PLEKHA7: variants seen among roughly 807,000 people sequenced by gnomAD.
PLEKHA7 encodes pleckstrin homology domain-containing family A member 7.
In PLEKHA7, 104 loss-of-function variants were observed where a neutral mutation model predicts 170.0. The ratio of observed to expected loss-of-function variants is 0.61; its 90% CI spans 0.52 to 0.72. The LOEUF (loss-of-function observed/expected upper bound fraction) is 0.72, where lower values mean the gene tolerates loss of function less well. Among genes scored for constraint, PLEKHA7 ranks in the 30% least tolerant of loss-of-function variants. The pLI, the probability that PLEKHA7 is intolerant of heterozygous loss-of-function variation, is 0.00. For missense variants in PLEKHA7, 1,615 were observed against 1,671.7 expected (o/e 0.97, Z 0.59); for synonymous variants, 648 against 660.8 (o/e 0.98, Z 0.30).
At chr11:17,003,196 G>T (rs1864782823) in intron 3 of PLEKHA7, among the ~76,000 whole-genome samples, 1 of 152,030 alleles carries the variant, frequency 6.6e-6, no homozygotes, top group African/African-American at 2.4e-5. Flanking sequence ...TCTCCATGTT[G>T]GTCAGGCTGG....
intron 3 of PLEKHA7, among the ~76,000 whole-genome samples, chr11:17,007,659 C>T (rs1397761160): frequency 5.9e-5 from 9 of 151,620 alleles, no homozygotes; most frequent in East Asian, 5.8e-4. Context: ...CGGCAACCTC[C>T]GCTTCCCAAG....
intron 3 of PLEKHA7, among the ~76,000 whole-genome samples, chr11:16,988,279 G>C (rs4237716): frequency 0.34 from 52,376 of 152,064 alleles, 9,322 homozygotes; most frequent in East Asian, 0.42. Flanking sequence ...GGCTTGGAGA[G>C]AGATGCAATC....
intron 3 of PLEKHA7, among the ~76,000 whole-genome samples, chr11:16,961,240 C>G (rs1408075201): frequency 6.6e-6 from 1 of 152,190 alleles, no homozygotes; most frequent in Non-Finnish European, 1.5e-5. Context: ...CTGCCACTCA[C>G]TAGGATGACC....
rs1849896543 is a variant in PLEKHA7, at chr11:16,817,940, T to C, written c.1344-618A>G. ...AAGTCTAAACTCCTCAGCCTGGTAC[T>C]CACAGCTCGCTAGCAGCTGACCTCA... On this transcript the variant is annotated intron_variant, in intron 10 of 26. Transcript: ENST00000531066. The surrounding 1 kb of genome is among the most constrained non-coding windows in gnomAD (Gnocchi z 4.4). Among the ~76,000 whole-genome samples the C allele has an allele frequency of 6.6e-6, 1 of 152,202 alleles. No homozygotes were observed. The highest frequency in any genetic ancestry group is 1.9e-4 in the East Asian group (1 of 5,188).
At chr11:16,804,464 T>C (rs571967432) in intron 13 of PLEKHA7, among the ~76,000 whole-genome samples, 2 of 152,328 alleles carry the variant, frequency 1.3e-5, no homozygotes, top group African/African-American at 4.8e-5. Flanking sequence ...AAGCCCTTCA[T>C]GTGCCCAACT....
At position 16,817,498 on chromosome 11, in the gene PLEKHA7, C is replaced by A. The variant is rs572972443; in HGVS notation, c.1344-176G>T. On this transcript the variant is annotated intron_variant, in intron 10 of 26. Coordinates refer to ENST00000531066, the MANE Select transcript of PLEKHA7 (RefSeq NM_001329630.2). The surrounding 1 kb of genome is among the most constrained non-coding windows in gnomAD (Gnocchi z 4.4). ...AGTCACTTCCCCTTTTGGCAGACGA[C>A]TCCAAAACCATTTTTCTCTGTCAAC... 902 of 584,334 alleles carry A rather than the reference C, an allele frequency of 1.5e-3. 7 individuals are homozygous for A. Among genetic ancestry groups the A allele is most frequent in the Non-Finnish European group, 2.1e-3 (745 of 356,320 alleles). 36.2% of individuals were successfully genotyped at this position (584,334 alleles called of 1,614,324 possible). A position where few individuals can be genotyped will look rare whatever the true frequency, so the allele number is the denominator to read the frequency against.
At chr11:16,972,415 C>A (rs182732765) in intron 3 of PLEKHA7, among the ~76,000 whole-genome samples, 94 of 151,780 alleles carry the variant, frequency 6.2e-4, no homozygotes, top group African/African-American at 2.2e-3. Context: ...AGTCACTCCG[C>A]CCAGCTATTT....
intron 3 of PLEKHA7, among the ~76,000 whole-genome samples, chr11:16,941,799 T>G (rs527362328): frequency 1.7e-4 from 26 of 152,322 alleles, no homozygotes; most frequent in Non-Finnish European, 3.1e-4. Flanking sequence ...AAAAACAGAC[T>G]ACTATGTCAA....
Position 16,817,333 on chromosome 11 carries a change from AG to A in PLEKHA7, c.1344-12del. ...TGGTCCAAGGGAAGACTGAGGAGAA[AG>A]GGTAAGAACGGGTCAGGCAACCAAG... On this transcript the variant is annotated splice_polypyrimidine_tract_variant and intron_variant, in intron 10 of 26. Transcript: ENST00000531066. This position sits in a 1 kb window ranked among gnomAD's most constrained non-coding sequence, Gnocchi z 4.4. 1.3e-6 allele frequency: 2 copies of A among 1,599,844 alleles called. No homozygotes were observed. The highest frequency in any genetic ancestry group is 1.7e-6 in the Non-Finnish European group (2 of 1,176,570).
Position 16,817,761 on chromosome 11 carries a change from T to C in PLEKHA7, c.1344-439A>G, listed in dbSNP as rs761092395. Among the ~76,000 whole-genome samples, 1 of 152,220 alleles carries C rather than the reference T, an allele frequency of 6.6e-6. No homozygotes were observed. The highest frequency in any genetic ancestry group is 1.5e-5 in the Non-Finnish European group (1 of 68,038). Reference sequence around the variant, plus strand: ...TGGTTGGCATCAGTTCTCTTTTTTCTGGACTCTTCTAGTCCAGATACTGAT... The same window carrying C: ...TGGTTGGCATCAGTTCTCTTTTTTCCGGACTCTTCTAGTCCAGATACTGAT... On this transcript the variant is annotated intron_variant, in intron 10 of 26. Transcript: ENST00000531066. The surrounding 1 kb of genome is among the most constrained non-coding windows in gnomAD (Gnocchi z 4.4).
intron 3 of PLEKHA7, among the ~76,000 whole-genome samples, chr11:16,954,705 T>G (rs1861601097): frequency 6.6e-6 from 1 of 151,866 alleles, no homozygotes; most frequent in South Asian, 2.1e-4. Flanking sequence ...CTTTTTTTTT[T>G]TTTGAGACAG....
In PLEKHA7 at chr11:16,788,901, T is replaced by C. The variant is rs866705365; in HGVS notation, c.3357+195A>G. ...GCCTGTTTGATCCTCACTCCAGCTC[T>C]GGTTCAGGTCACCCTCTGACCAGGC... On this transcript the variant is annotated intron_variant, in intron 23 of 26. Coordinates refer to ENST00000531066, the MANE Select transcript of PLEKHA7 (RefSeq NM_001329630.2). 2.1e-5 allele frequency: 14 copies of C among 670,884 alleles called. No homozygotes were observed. The South Asian group carries it at 2.1e-4, about 10-fold the overall frequency. The allele number at this position is 670,884 out of a possible 1,614,324, so 41.6% of individuals were successfully genotyped here. A position where few individuals can be genotyped will look rare whatever the true frequency, so the allele number is the denominator to read the frequency against.
intron 3 of PLEKHA7, among the ~76,000 whole-genome samples, chr11:16,889,597 A>AC (rs1856484511): frequency 6.7e-6 from 1 of 150,316 alleles, no homozygotes; most frequent in Non-Finnish European, 1.5e-5. Context: ...AGTCAACACC[A>AC]CCCCCCACAA....
intron 24 of PLEKHA7, among the ~76,000 whole-genome samples, 191 bp downstream of exon 24, chr11:16,786,038 G>A (rs1315834128): frequency 6.6e-6 from 1 of 152,212 alleles, no homozygotes; most frequent in African/African-American, 2.4e-5. Flanking sequence ...ATTACAGAGA[G>A]TTTTGAACCT....
chr11:16,841,112 C>G (rs1366875741), intron 9 of PLEKHA7, among the ~76,000 whole-genome samples: 1 of 152,228 alleles, frequency 6.6e-6, no homozygotes, highest in Non-Finnish European at 1.5e-5. Flanking sequence ...GAATCACCCA[C>G]AGCCAACAGA....
intron 3 of PLEKHA7, among the ~76,000 whole-genome samples, chr11:16,943,624 A>AAATGGG (rs1409261437): frequency 2.0e-5 from 3 of 152,260 alleles, no homozygotes; most frequent in Non-Finnish European, 2.9e-5. Context: ...TTGGGCAAGA[A>AAATGGG]AATGGGAATG....
chr11:16,813,219 A>G (rs1389262460), intron 12 of PLEKHA7, 53 bp from the exon 13 acceptor site: 3 of 1,505,016 alleles, frequency 2.0e-6, no homozygotes, highest in Non-Finnish European at 2.8e-6. Flanking sequence ...AAGAGTTTCC[A>G]TAACTCGAGG....
intron 3 of PLEKHA7, among the ~76,000 whole-genome samples, chr11:16,925,946 T>C (rs952215429): frequency 3.0e-4 from 46 of 152,340 alleles, no homozygotes; most frequent in African/African-American, 1.1e-3. Flanking sequence ...GGGCAGGACC[T>C]GCGGCCTCAG....
chr11:16,863,366 C>A (rs1220341888), intron 4 of PLEKHA7, among the ~76,000 whole-genome samples: 1 of 152,150 alleles, frequency 6.6e-6, no homozygotes, highest in Non-Finnish European at 1.5e-5. Flanking sequence ...GCTGCTCAGA[C>A]CCCAATGGAA....
Sources: allele counts gnomAD v4.1 joint callset (sites outside exome capture counted in the v4.1 genomes callset), GRCh38; gene constraint gnomAD v4.1.1; non-coding constraint Gnocchi (gnomAD v3.1); transcripts MANE v1.5; gene names NCBI Gene and HGNC (gene_info 2026-07-23, HGNC 2026-07-21).